Variants in SH2D2A observed in about 807,000 individuals in gnomAD.
SH2D2A encodes SH2 domain containing 2A, also known as SH2 domain-containing protein 2A.
Under a neutral mutation model 43.6 loss-of-function variants are expected in SH2D2A, and 33 were observed. The ratio of observed to expected loss-of-function variants is 0.76; its 90% CI spans 0.57 to 1.01. The LOEUF is 1.01. Among genes scored for constraint, SH2D2A ranks in the 50% least tolerant of loss-of-function variants. SH2D2A has a pLI of 0.00. For missense variants in SH2D2A, 491 were observed against 503.1 expected, an observed-to-expected ratio of 0.98 and a Z score of 0.23; for synonymous variants, 212 against 206.1, an observed-to-expected ratio of 1.03 and a Z score of -0.25.
At chr1:156,808,985 C>T (rs150244807) in intron 7 of SH2D2A, among the ~76,000 whole-genome samples, 15 of 151,872 alleles carry the variant, frequency 9.9e-5, no homozygotes, top group Non-Finnish European at 1.9e-4. Context: ...GGGGGCTTGA[C>T]AAAGATGAGG....
chr1:156,808,213 G>T (rs1177359877), intron 7 of SH2D2A, among the ~76,000 whole-genome samples: 2 of 152,166 alleles, frequency 1.3e-5, no homozygotes, highest in African/African-American at 4.8e-5. Context: ...GGAATGAGTG[G>T]CTTACTGGGG....
intron 2 of SH2D2A, 181 bp downstream of exon 2, chr1:156,815,825 G>T (rs1800601): frequency 4.3e-6 from 7 of 1,613,730 alleles, no homozygotes; most frequent in Non-Finnish European, 5.9e-6. Context: ...TGGGCAACTC[G>T]GCGCATGAAG....
rs201892904 is a variant in SH2D2A, at chr1:156,816,101, G to A, written c.35-7C>T. On this transcript the variant is annotated splice_region_variant and splice_polypyrimidine_tract_variant and intron_variant, in intron 1 of 8. Coordinates refer to ENST00000368199, the MANE Select transcript of SH2D2A (RefSeq NM_003975.4). The stretch of plus-strand genomic sequence containing the variant: ...ATGGGGGCTTCGTGACTCCCTGTGA[G>A]CACAAAGAGGGCTGCCGGGGTTTCT... The A allele has an allele frequency of 6.4e-5, 103 of 1,610,542 alleles. No individual in the cohort carries two copies. The East Asian group carries it at 9.4e-4, about 15-fold the overall frequency.
intron 5 of SH2D2A, among the ~76,000 whole-genome samples, chr1:156,811,740 C>T (rs1025057380): frequency 1.3e-5 from 2 of 152,218 alleles, no homozygotes; most frequent in Non-Finnish European, 2.9e-5. Context: ...GCATCACACT[C>T]TTCTGGCTTT....
chr1:156,811,688 C>A (rs889906681), intron 5 of SH2D2A, among the ~76,000 whole-genome samples: 1 of 152,216 alleles, frequency 6.6e-6, no homozygotes, highest in Non-Finnish European at 1.5e-5. Context: ...CCACCCTCTG[C>A]CCTCACCCGC....
chr1:156,816,264 C>T, intron 1 of SH2D2A, 170 bp from the exon 2 acceptor site: 1 of 703,720 alleles, frequency 1.4e-6, no homozygotes, highest in Non-Finnish European at 1.7e-6. Flanking sequence ...GTTAAGTAGC[C>T]AAGGCGGCAT....
In SH2D2A at chr1:156,814,025, C is replaced by T. The variant is rs1212869527; in HGVS notation, c.399-9G>A. 1 of 1,500,574 alleles carries T rather than the reference C, an allele frequency of 6.7e-7. No individual in the cohort carries two copies. Among genetic ancestry groups the T allele is most frequent in the South Asian group, 1.3e-5 (1 of 79,346 alleles). 93.0% of individuals were successfully genotyped at this position (1,500,574 alleles called of 1,614,324 possible). A position where few individuals can be genotyped will look rare whatever the true frequency, so the allele number is the denominator to read the frequency against. The stretch of plus-strand genomic sequence containing the variant: ...GGCAGCAAGTCCGGCTCCTGGAGGG[C>T]GCCGTTAGGGATCAGACTATCTCCC... On this transcript the variant is annotated splice_polypyrimidine_tract_variant and intron_variant, in intron 4 of 8. Transcript: ENST00000368199.
At position 156,816,784 on chromosome 1, in the gene SH2D2A, A is replaced by G; in HGVS notation, c.-76T>C. 1 of 1,362,890 alleles carries G rather than the reference A, an allele frequency of 7.3e-7. No homozygotes were observed. Among genetic ancestry groups the G allele is most frequent in the Admixed American group, 2.4e-5 (1 of 41,642 alleles). 84.4% of individuals were successfully genotyped at this position (1,362,890 alleles called of 1,614,324 possible). A position where few individuals can be genotyped will look rare whatever the true frequency, so the allele number is the denominator to read the frequency against. On this transcript the variant is annotated 5_prime_UTR_variant, in exon 1 of 9. It removes an upstream start codon present in the reference 5' UTR. Coordinates refer to ENST00000368199, the MANE Select transcript of SH2D2A (RefSeq NM_003975.4). Reference sequence around the variant, plus strand: ...GAAAGGTGTGCACACTCAGCAACTCATCATCTCTCCTCTCACCCTGGCCCC... The same window carrying G: ...GAAAGGTGTGCACACTCAGCAACTCGTCATCTCTCCTCTCACCCTGGCCCC...
chr1:156,814,163 A>C, intron 4 of SH2D2A, 42 bp downstream of exon 4: 2 of 1,610,518 alleles, frequency 1.2e-6, no homozygotes, highest in Non-Finnish European at 1.7e-6. Context: ...GCCCCTCCCG[A>C]GCCCCGCCTT....
In SH2D2A at chr1:156,806,258, G is replaced by A. The variant is rs1652960506; in HGVS notation, c.*319C>T. Reference sequence around the variant, plus strand: ...AGGACTTGAATCCCTGTAGGAGAAGGCAGTTGGTGATGATTTATTAGCCAG... The same window carrying A: ...AGGACTTGAATCCCTGTAGGAGAAGACAGTTGGTGATGATTTATTAGCCAG... On this transcript the variant is annotated 3_prime_UTR_variant, in exon 9 of 9. Coordinates refer to ENST00000368199, the MANE Select transcript of SH2D2A (RefSeq NM_003975.4). 6.6e-6 allele frequency: 1 copy of A among 152,238 alleles called. No homozygotes were observed. The highest frequency in any genetic ancestry group is 2.4e-5 in the African/African-American group (1 of 41,446). 9.4% of individuals were successfully genotyped at this position (152,238 alleles called of 1,614,324 possible). A position where few individuals can be genotyped will look rare whatever the true frequency, so the allele number is the denominator to read the frequency against.
Position 156,815,192 on chromosome 1 carries a change from G to A in SH2D2A, c.153C>T (p.Ser51=). 2 of 1,576,232 alleles carry A rather than the reference G, an allele frequency of 1.3e-6. No homozygotes were observed. The highest frequency in any genetic ancestry group is 1.2e-5 in the South Asian group (1 of 85,968). ...CTGCCCTCTCAGCATTCCCTGTGTT[G>A]GAGGCAGCCTCCGGGGCCTGGGGAG... ...AASPQAPEAA[S]NTGNAERAEE... The change falls in exon 3 of 9, where the codon TCC becomes TCT. Residue 51 remains serine (S), a synonymous_variant. Transcript: ENST00000368199.
chr1:156,815,148 C>T lies in SH2D2A; in HGVS notation c.197G>A (p.Gly66Glu). The T allele has an allele frequency of 6.2e-7, 1 of 1,607,320 alleles. No homozygotes were observed. Among genetic ancestry groups the T allele is most frequent in the Admixed American group, 1.7e-5 (1 of 59,284 alleles). ...AERAEEVPGE[G>E]SLFLQAETRA... Reference sequence around the variant, plus strand: ...GGTCTCGGCCTGCAGGAACAGGCTTCCTTCTCCAGGCACCTCCTCTGCCCT... The same window carrying T: ...GGTCTCGGCCTGCAGGAACAGGCTTTCTTCTCCAGGCACCTCCTCTGCCCT... Residue 66 changes from glycine to glutamate, a missense_variant, in exon 3 of 9, where the codon GGA becomes GAA. Transcript: ENST00000368199.
chr1:156,814,072 G>A, intron 4 of SH2D2A, 56 bp from the exon 5 acceptor site: 1 of 1,490,258 alleles, frequency 6.7e-7, no homozygotes, highest in South Asian at 1.3e-5. Flanking sequence ...AGGGTCACCA[G>A]CGAGAGGCGT....
chr1:156,816,646 C>G, intron 1 of SH2D2A, 29 bp downstream of exon 1: 1 of 1,595,606 alleles, frequency 6.3e-7, no homozygotes, highest in Non-Finnish European at 8.5e-7. Context: ...GTGCCCCCTC[C>G]CACCCATATC....
intron 5 of SH2D2A, among the ~76,000 whole-genome samples, chr1:156,810,316 G>C (rs1440874716): frequency 6.6e-6 from 1 of 152,240 alleles, no homozygotes; most frequent in Non-Finnish European, 1.5e-5. Context: ...TAGGATTACA[G>C]GCGTAAGCCA....
At chr1:156,812,480 C>T (rs1372868633) in intron 5 of SH2D2A, among the ~76,000 whole-genome samples, 3 of 152,246 alleles carry the variant, frequency 2.0e-5, no homozygotes, top group African/African-American at 7.2e-5. Context: ...GGCCTTTGCA[C>T]CTGCTGTGCC....
chr1:156,809,726 T>C lies in SH2D2A; in HGVS notation c.649A>G (p.Ser217Gly). ...SKSQDPNPQY[S>G]PIIKQGQAPV... is the part of the protein sequence containing the mutation. ...GCTTGCCCCTGTTTGATGATTGGGC[T>C]GTACTGGGGGTTTGGGTCCTGGCTT... The change falls in exon 6 of 9, where the codon AGC (serine) becomes GGC (glycine). Residue 217 changes from serine (S) to glycine (G), a missense_variant. Coordinates refer to ENST00000368199, the MANE Select transcript of SH2D2A (RefSeq NM_003975.4). The surrounding 1 kb of genome is among the most constrained non-coding windows in gnomAD (Gnocchi z 4.8). The C allele has an allele frequency of 6.2e-7, 1 of 1,614,080 alleles. No homozygotes were observed. The highest frequency in any genetic ancestry group is 8.5e-7 in the Non-Finnish European group (1 of 1,179,998).
In SH2D2A at chr1:156,815,036, C is replaced by T. The variant is rs1653760068; in HGVS notation, c.308+1G>A. Reference sequence around the variant, plus strand: ...GGCCAATTTCCTCCTCCATGACTCACCTCCGGGTGATGAAGCCATGGAACC... The same window carrying T: ...GGCCAATTTCCTCCTCCATGACTCATCTCCGGGTGATGAAGCCATGGAACC... On this transcript the variant is annotated splice_donor_variant, in intron 3 of 8. Coordinates refer to ENST00000368199, the MANE Select transcript of SH2D2A (RefSeq NM_003975.4). LOFTEE classifies it high-confidence loss of function. 1 of 1,541,840 alleles carries T rather than the reference C, an allele frequency of 6.5e-7. No homozygotes were observed. Among genetic ancestry groups the T allele is most frequent in the Non-Finnish European group, 8.8e-7 (1 of 1,140,858 alleles).
intron 1 of SH2D2A, among the ~76,000 whole-genome samples, 177 bp downstream of exon 1, chr1:156,816,498 A>G (rs1165796200): frequency 1.3e-5 from 2 of 152,154 alleles, no homozygotes; most frequent in African/African-American, 2.4e-5. Context: ...ATCCTCAGGG[A>G]TGAGTGGGCA....
Sources: gnomAD v4.1 joint callset for allele counts (sites outside exome capture counted in the v4.1 genomes callset) on GRCh38, gnomAD v4.1.1 for gene constraint, Gnocchi (gnomAD v3.1) non-coding constraint, MANE v1.5 for transcripts, NCBI Gene and HGNC (gene_info 2026-07-23, HGNC 2026-07-21) for gene names.